Variants in CDK14 observed in about 807,000 individuals in gnomAD.
CDK14 encodes cyclin-dependent kinase 14.
A neutral mutation model predicts 60.7 loss-of-function variants in CDK14; 34 were observed. That is an observed-to-expected ratio of 0.56 (90% CI 0.43 to 0.75). The LOEUF (loss-of-function observed/expected upper bound fraction) is 0.75, where lower values mean the gene tolerates loss of function less well. CDK14 is among the 30% of genes least tolerant of loss of function. The probability of loss-of-function intolerance (pLI) is 0.00; values close to 1 mark genes in which losing one functional copy is unlikely to be tolerated. For missense variants in CDK14, 482 were observed against 564.1 expected, an observed-to-expected ratio of 0.85 and a Z score of 1.47; for synonymous variants, 197 against 203.7, an observed-to-expected ratio of 0.97 and a Z score of 0.28.
At chr7:91,057,288 G>A (rs1797603898) in intron 11 of CDK14, among the ~76,000 whole-genome samples, 1 of 152,062 alleles carries the variant, frequency 6.6e-6, no homozygotes, top group African/African-American at 2.4e-5. Context: ...TGAGTTCATT[G>A]TAGATTCTGG....
At chr7:90,942,275 G>A (rs1212795422) in intron 8 of CDK14, among the ~76,000 whole-genome samples, 1 of 152,190 alleles carries the variant, frequency 6.6e-6, no homozygotes, top group Non-Finnish European at 1.5e-5. Context: ...TTCTCTCCCT[G>A]TGAGAATCTA....
intron 8 of CDK14, among the ~76,000 whole-genome samples, chr7:90,932,222 C>T (rs28431285): frequency 0.068 from 10,357 of 152,080 alleles, 418 homozygotes; most frequent in East Asian, 0.18. Context: ...CTGTGGTCTG[C>T]GGCTGGGAGC....
At chr7:90,640,943 C>G (rs188004606) in intron 2 of CDK14, among the ~76,000 whole-genome samples, 1 of 152,156 alleles carries the variant, frequency 6.6e-6, no homozygotes, top group East Asian at 1.9e-4. Context: ...AGGATCTGAA[C>G]AGATGTTTCT....
intron 4 of CDK14, among the ~76,000 whole-genome samples, chr7:90,768,636 TTTC>T (rs1479992296): frequency 6.6e-6 from 1 of 152,226 alleles, no homozygotes; most frequent in Admixed American, 6.5e-5. Context: ...TAATTTGTAT[TTTC>T]TTTTTAGTCA....
chr7:90,643,266 G>A (rs11563522), intron 2 of CDK14, among the ~76,000 whole-genome samples: 9,397 of 152,136 alleles, frequency 0.062, 399 homozygotes, highest in East Asian at 0.19. Flanking sequence ...AAGAGTTGTC[G>A]GCTTTTTTGT....
At chr7:91,012,752 G>C (rs763763551) in intron 10 of CDK14, among the ~76,000 whole-genome samples, 2 of 152,152 alleles carry the variant, frequency 1.3e-5, no homozygotes, top group Non-Finnish European at 2.9e-5. Context: ...AGTTGTGACT[G>C]ATTCTTTATG....
At chr7:91,053,639 AT>A (rs1402563867) in intron 11 of CDK14, among the ~76,000 whole-genome samples, 4 of 152,232 alleles carry the variant, frequency 2.6e-5, no homozygotes, top group African/African-American at 9.6e-5. Context: ...TCCTTAACAC[AT>A]ACTATCGGAA....
At chr7:90,862,184 C>A (rs753629095) in intron 5 of CDK14, among the ~76,000 whole-genome samples, 3 of 151,776 alleles carry the variant, frequency 2.0e-5, no homozygotes, top group Non-Finnish European at 4.4e-5. Context: ...AGGTGGTAAC[C>A]CAACATATTA....
chr7:91,144,697 A>G (rs1252952184), intron 14 of CDK14, among the ~76,000 whole-genome samples: 1 of 152,200 alleles, frequency 6.6e-6, no homozygotes, highest in Non-Finnish European at 1.5e-5. Flanking sequence ...AATACCAACA[A>G]TTTTGGCCAG....
At chr7:90,913,078 C>A (rs1792959570) in intron 7 of CDK14, among the ~76,000 whole-genome samples, 1 of 152,168 alleles carries the variant, frequency 6.6e-6, no homozygotes, top group Admixed American at 6.5e-5. Flanking sequence ...GTGGACCCCT[C>A]CCTGGTGGCC....
chr7:90,886,686 G>T (rs570450151), intron 6 of CDK14, among the ~76,000 whole-genome samples: 4 of 152,162 alleles, frequency 2.6e-5, no homozygotes, highest in African/African-American at 7.2e-5. Context: ...ATTATGAGGA[G>T]CAATGGTGTT....
intron 10 of CDK14, among the ~76,000 whole-genome samples, chr7:91,029,610 T>TCTCCTCTCCGCTCCTCTCCG (rs1796698122): frequency 7.2e-6 from 1 of 138,264 alleles, no homozygotes; most frequent in African/African-American, 2.7e-5. Context: ...TCTCCTCTCC[T>TCTCCTCTCCGCTCCTCTCCG]CCGCTCCCCA....
chr7:90,753,272 C>G (rs1803919651), intron 4 of CDK14, among the ~76,000 whole-genome samples: 1 of 152,120 alleles, frequency 6.6e-6, no homozygotes, highest in South Asian at 2.1e-4. Context: ...AGCAGCACAT[C>G]AAAAAGATCA....
At chr7:90,899,504 T>C in intron 7 of CDK14, 151 bp downstream of exon 7, 2 of 484,682 alleles carry the variant, frequency 4.1e-6, no homozygotes, top group Non-Finnish European at 3.6e-6. Flanking sequence ...ATTGCTTCAG[T>C]TGAGTTGTTG....
intron 5 of CDK14, among the ~76,000 whole-genome samples, chr7:90,860,359 C>G (rs1297534967): frequency 6.6e-6 from 1 of 151,804 alleles, no homozygotes; most frequent in Non-Finnish European, 1.5e-5. Flanking sequence ...CCCCATAATT[C>G]TATTTTTCAC....
At chr7:91,061,874 C>G (rs1003712376) in intron 11 of CDK14, among the ~76,000 whole-genome samples, 1 of 152,222 alleles carries the variant, frequency 6.6e-6, no homozygotes, top group Non-Finnish European at 1.5e-5. Context: ...GGCAGTCTGT[C>G]CATTCTCAGA....
chr7:90,894,180 G>T (rs79174275), intron 6 of CDK14, among the ~76,000 whole-genome samples: 1 of 152,180 alleles, frequency 6.6e-6, no homozygotes, highest in African/African-American at 2.4e-5. Context: ...AAACTGCTAT[G>T]GATGTTTACC....
rs370165415 is a variant in CDK14 at position 90,709,392 on chromosome 7, T to G, written c.124-17175T>G. 136 of 1,384,498 alleles carry G rather than the reference T, an allele frequency of 9.8e-5. No individual in the cohort carries two copies. In the African/African-American group the frequency reaches 1.5e-3, roughly 16 times the overall value. 85.8% of individuals were successfully genotyped at this position (1,384,498 alleles called of 1,614,324 possible). A position where few individuals can be genotyped will look rare whatever the true frequency, so the allele number is the denominator to read the frequency against. ...TCTTAAAAAATTGAATTGAGCATGA[T>G]GAGGTGCATCCCCTTGATTAAATGT... On this transcript the variant is annotated intron_variant, in intron 2 of 14. Coordinates refer to ENST00000380050, the MANE Select transcript of CDK14 (RefSeq NM_001287135.2).
intron 4 of CDK14, among the ~76,000 whole-genome samples, chr7:90,783,043 CA>C (rs1050801570): frequency 8.9e-4 from 136 of 152,084 alleles, no homozygotes; most frequent in African/African-American, 2.9e-3. Context: ...TAGAAAGGTG[CA>C]AATTTGGGTG....
Sources: gnomAD v4.1 joint callset for allele counts (sites outside exome capture counted in the v4.1 genomes callset) on GRCh38, gnomAD v4.1.1 for gene constraint, MANE v1.5 for transcripts, NCBI Gene and HGNC (gene_info 2026-07-23, HGNC 2026-07-21) for gene names.